AKAP13: variants seen among roughly 807,000 people sequenced by gnomAD.
AKAP13 encodes A-kinase anchor protein 13.
Under a neutral mutation model 264.5 loss-of-function variants are expected in AKAP13, and 80 were observed. That is an observed-to-expected ratio of 0.30 (90% CI 0.25 to 0.36). The LOEUF (loss-of-function observed/expected upper bound fraction) is 0.36. Ranked by LOEUF, AKAP13 falls within the 10% of genes least tolerant of loss-of-function variation. AKAP13 has a pLI of 1.00. For synonymous variants in AKAP13, 1,380 were observed against 1,250.2 expected, an observed-to-expected ratio of 1.10 and a Z score of -2.19; for missense variants, 3,712 against 3,435.2, an observed-to-expected ratio of 1.08 and a Z score of -2.01.
chr15:85,722,143 C>T (rs371022383), intron 24 of AKAP13, 27 bp downstream of exon 24: 127 of 1,612,934 alleles, frequency 7.9e-5, no homozygotes, highest in South Asian at 7.3e-4. Flanking sequence ...TGAAAATCCC[C>T]GTTATTGTTG....
chr15:85,655,171 G>A (rs1425994184), intron 10 of AKAP13, among the ~76,000 whole-genome samples: 4 of 152,122 alleles, frequency 2.6e-5, no homozygotes, highest in South Asian at 2.1e-4. Flanking sequence ...CAGCCTGGGC[G>A]ACAGAGTGAG....
chr15:85,511,193 C>G (rs1031683878), intron 2 of AKAP13, among the ~76,000 whole-genome samples: 5 of 152,158 alleles, frequency 3.3e-5, no homozygotes, highest in African/African-American at 1.2e-4. Context: ...TGCTGATCCT[C>G]TCTTCTCTGA....
At position 85,396,901 on chromosome 15, in the gene AKAP13, C is replaced by CTTT. The variant is rs34499592; in HGVS notation, c.-12+16122_-12+16124dup. Among the ~76,000 whole-genome samples the CTTT allele has an allele frequency of 6.8e-3, 777 of 114,580 alleles. 12 individuals are homozygous for CTTT. Among genetic ancestry groups the CTTT allele is most frequent in the African/African-American group, 0.022 (677 of 31,126 alleles). The allele number at this position is 114,580 out of a possible 152,430, so 75.2% of individuals were successfully genotyped here. ...TTTTTGAGTCCTCTCGTATGTTAGA[C>CTTT]TTTTTTTTTTTTTTTTTTTTTAAGA... is the stretch of plus-strand genomic sequence containing the variant. On this transcript the variant is annotated intron_variant, in intron 1 of 36. Coordinates refer to ENST00000394518, the MANE Select transcript of AKAP13 (RefSeq NM_007200.5).
At chr15:85,393,614 G>A (rs1188268269) in intron 1 of AKAP13, among the ~76,000 whole-genome samples, 1 of 152,166 alleles carries the variant, frequency 6.6e-6, no homozygotes, top group Non-Finnish European at 1.5e-5. Context: ...GTTTACCTAC[G>A]TGTTATGTTA....
chr15:85,693,108 C>A (rs114529061), intron 16 of AKAP13, 169 bp from the exon 17 acceptor site: 17 of 1,207,304 alleles, frequency 1.4e-5, no homozygotes, highest in Admixed American at 3.6e-5. Context: ...TGCGTGCCAA[C>A]GCCTTAATTT....
chr15:85,397,239 A>G (rs2071161932), intron 1 of AKAP13, among the ~76,000 whole-genome samples: 1 of 152,204 alleles, frequency 6.6e-6, no homozygotes, highest in Non-Finnish European at 1.5e-5. Flanking sequence ...ATTGTTTTTC[A>G]TAGCACTTTT....
Position 85,604,200 on chromosome 15 carries a change from A to T in AKAP13, c.4161+18377A>T, listed in dbSNP as rs897221337. Among the ~76,000 whole-genome samples, 6 of 144,806 alleles carry T rather than the reference A, an allele frequency of 4.1e-5. No individual in the cohort carries two copies. The East Asian group carries it at 7.7e-4, about 19-fold the overall frequency. 95.0% of individuals were successfully genotyped at this position (144,806 alleles called of 152,430 possible). A position where few individuals can be genotyped will look rare whatever the true frequency, so the allele number is the denominator to read the frequency against. ...CTGACAACCTTAAATAGGTCACTTT[A>T]AAAAAAATAACTATTTCCTATTTAC... On this transcript the variant is annotated intron_variant, in intron 8 of 36. Coordinates refer to ENST00000394518, the MANE Select transcript of AKAP13 (RefSeq NM_007200.5).
intron 3 of AKAP13, among the ~76,000 whole-genome samples, chr15:85,528,445 G>A (rs1413876497): frequency 3.3e-5 from 5 of 152,130 alleles, no homozygotes; most frequent in Non-Finnish European, 7.4e-5. Flanking sequence ...CTAAACAGAA[G>A]CATTTTAATA....
chr15:85,405,432 G>T (rs1268830141), intron 1 of AKAP13, among the ~76,000 whole-genome samples: 1 of 152,184 alleles, frequency 6.6e-6, no homozygotes, highest in Non-Finnish European at 1.5e-5. Context: ...TATGGACCGG[G>T]TAAGTTATTT....
intron 17 of AKAP13, among the ~76,000 whole-genome samples, chr15:85,696,617 T>C (rs2085579504): frequency 6.6e-6 from 1 of 152,210 alleles, no homozygotes; most frequent in African/African-American, 2.4e-5. Flanking sequence ...TATTTCTTGA[T>C]TGGCAGTATG....
At chr15:85,723,574 A>C (rs2151732590) in intron 26 of AKAP13, among the ~76,000 whole-genome samples, 1 of 152,332 alleles carries the variant, frequency 6.6e-6, no homozygotes, top group South Asian at 2.1e-4. Context: ...TAAGGTTTTA[A>C]AAAAACAAAG....
At position 85,726,374 on chromosome 15, in the gene AKAP13, C is replaced by T. The variant is rs376487062; in HGVS notation, c.6746-36C>T. 20 of 1,565,348 alleles carry T rather than the reference C, an allele frequency of 1.3e-5. No homozygotes were observed. In the African/African-American group the frequency reaches 2.4e-4, roughly 19 times the overall value. On this transcript the variant is annotated intron_variant, in intron 26 of 36. Coordinates refer to ENST00000394518, the MANE Select transcript of AKAP13 (RefSeq NM_007200.5). Reference sequence around the variant, plus strand: ...CTGTGGGTAACTATTAAGTAGTCATCGTTTTATCTTCCCTTCTCCCATTTC... The same window carrying T: ...CTGTGGGTAACTATTAAGTAGTCATTGTTTTATCTTCCCTTCTCCCATTTC...
rs146298204 is a variant in AKAP13, at chr15:85,520,278, C to G, written c.34-1150C>G. Among the ~76,000 whole-genome samples, 6 of 152,048 alleles carry G rather than the reference C, an allele frequency of 3.9e-5. No individual in the cohort carries two copies. The East Asian group carries it at 7.7e-4, about 20-fold the overall frequency. On this transcript the variant is annotated intron_variant, in intron 2 of 36. Coordinates refer to ENST00000394518, the MANE Select transcript of AKAP13 (RefSeq NM_007200.5). Reference sequence around the variant, plus strand: ...TGGGAGGCTGAGACGGGTGGATCATCTGAGGTCAGGATTCGAGACCAACCT... The same window carrying G: ...TGGGAGGCTGAGACGGGTGGATCATGTGAGGTCAGGATTCGAGACCAACCT...
intron 5 of AKAP13, among the ~76,000 whole-genome samples, chr15:85,554,108 G>C (rs1319191572): frequency 6.6e-6 from 1 of 152,114 alleles, no homozygotes; most frequent in Non-Finnish European, 1.5e-5. Flanking sequence ...CTCACTGATA[G>C]TGATGGTAGC....
chr15:85,682,110 C>T, intron 14 of AKAP13, 48 bp from the exon 15 acceptor site: 3 of 1,527,152 alleles, frequency 2.0e-6, no homozygotes, highest in Non-Finnish European at 2.7e-6. Flanking sequence ...TACCCGGCAT[C>T]AGTGTTAAAT....
At chr15:85,556,378 A>G (rs2078148142) in intron 5 of AKAP13, among the ~76,000 whole-genome samples, 1 of 152,218 alleles carries the variant, frequency 6.6e-6, no homozygotes, top group Non-Finnish European at 1.5e-5. Context: ...TGACAGCCGT[A>G]ACATCATTGA....
At chr15:85,476,324 A>G (rs1567076947) in intron 1 of AKAP13, among the ~76,000 whole-genome samples, 2 of 152,180 alleles carry the variant, frequency 1.3e-5, no homozygotes, top group Non-Finnish European at 2.9e-5. Flanking sequence ...GATAAATGGT[A>G]TGTTTAATAG....
intron 8 of AKAP13, among the ~76,000 whole-genome samples, chr15:85,588,691 AGT>A (rs1483049350): frequency 6.6e-6 from 1 of 152,144 alleles, no homozygotes; most frequent in Non-Finnish European, 1.5e-5. Context: ...GAGTTGAGAG[AGT>A]GAATATTCCT....
At chr15:85,493,147 C>T (rs1002659313) in intron 2 of AKAP13, among the ~76,000 whole-genome samples, 3 of 152,162 alleles carry the variant, frequency 2.0e-5, no homozygotes, top group Admixed American at 6.5e-5. Context: ...TTTAAGGGGG[C>T]GTTGTCTCTG....
Sources: allele counts gnomAD v4.1 joint callset (sites outside exome capture counted in the v4.1 genomes callset), GRCh38; gene constraint gnomAD v4.1.1; transcripts MANE v1.5; gene names NCBI Gene and HGNC (gene_info 2026-07-23, HGNC 2026-07-21).